RSRP1: variants seen among roughly 807,000 people sequenced by gnomAD.
The protein encoded by RSRP1 is arginine and serine rich protein 1.
Under a neutral mutation model 33.0 loss-of-function variants are expected in RSRP1, and 37 were observed. The ratio of observed to expected loss-of-function variants is 1.12; its 90% CI spans 0.86 to 1.48. The LOEUF (loss-of-function observed/expected upper bound fraction) is 1.48, where lower values mean the gene tolerates loss of function less well. Ranked by LOEUF, RSRP1 falls within the 40% of genes most tolerant of loss-of-function variation. The probability of loss-of-function intolerance (pLI) is 0.00; values close to 1 mark genes in which losing one functional copy is unlikely to be tolerated. For missense variants in RSRP1, 402 were observed against 385.3 expected, an observed-to-expected ratio of 1.04 and a Z score of -0.36; for synonymous variants, 167 against 158.7, an observed-to-expected ratio of 1.05 and a Z score of -0.40.
chr1:25,281,261 T>C lies in RSRP1; in HGVS notation c.-66-34232A>G. On this transcript the variant is annotated intron_variant, in intron 1 of 1. Transcript: ENST00000561867. ...CCAGGTTAGATTTTCTTTCTCCAAG[T>C]TGTGGAGCTTTCATAAACTTTTCCT... 1.5e-5 allele frequency among the ~76,000 whole-genome samples: 2 copies of C among 129,144 alleles called. 1 individual carries two copies. The highest frequency in any genetic ancestry group is 3.6e-5 in the Non-Finnish European group (2 of 55,628). 84.7% of individuals were successfully genotyped at this position (129,144 alleles called of 152,430 possible).
At chr1:25,319,685 C>T (rs1644592343) in intron 1 of RSRP1, among the ~76,000 whole-genome samples, 1 of 132,152 alleles carries the variant, frequency 7.6e-6, no homozygotes, top group East Asian at 2.0e-4. Context: ...ACCAAATGGA[C>T]TCCCAGAAGA....
At chr1:25,272,810 G>C (rs1571558267) in intron 1 of RSRP1, 1 of 1,239,840 alleles carries the variant, frequency 8.1e-7, no homozygotes, top group Non-Finnish European at 1.2e-6. Context: ...CAAGGAAAAA[G>C]ATTCCCCCAT....
Position 25,274,330 on chromosome 1 carries a change from T to G in RSRP1, c.-66-27301A>C, listed in dbSNP as rs1345990093. Among the ~76,000 whole-genome samples, 30 of 132,492 alleles carry G rather than the reference T, an allele frequency of 2.3e-4. 5 individuals carry two copies. The highest frequency in any genetic ancestry group is 5.2e-4 in the Non-Finnish European group (29 of 55,832). 86.9% of individuals were successfully genotyped at this position (132,492 alleles called of 152,430 possible). A position where few individuals can be genotyped will look rare whatever the true frequency, so the allele number is the denominator to read the frequency against. On this transcript the variant is annotated intron_variant, in intron 1 of 1. Coordinates refer to the RSRP1 transcript ENST00000561867. ...GATTTAGTTTCCTTACACTTAACCA[T>G]TATGCATCATGGCCCCATTTTACAG...
At chr1:25,320,554 T>C (rs1571752204) in intron 1 of RSRP1, among the ~76,000 whole-genome samples, 2 of 131,734 alleles carry the variant, frequency 1.5e-5, no homozygotes, top group African/African-American at 5.2e-5. Flanking sequence ...GAAATACGAA[T>C]CTCACTAAGC....
At chr1:25,282,054 A>G (rs531984979) in intron 1 of RSRP1, among the ~76,000 whole-genome samples, 1 of 131,714 alleles carries the variant, frequency 7.6e-6, no homozygotes, top group South Asian at 2.3e-4. Context: ...ATGTTGATGA[A>G]CAGTCACTAT....
Position 25,307,041 on chromosome 1 carries a change from G to A in RSRP1, c.-67+30937C>T, listed in dbSNP as rs1401918032. ...CAAGCCAATTGAGACTGTGGTTCAGGTCGTGATGCAGAGCTTTGCTGTGGA... is the reference window on the plus strand; with the variant it reads ...CAAGCCAATTGAGACTGTGGTTCAGATCGTGATGCAGAGCTTTGCTGTGGA... On this transcript the variant is annotated intron_variant, in intron 1 of 1. Coordinates refer to the RSRP1 transcript ENST00000561867. 6 of 343,664 alleles carry A rather than the reference G, an allele frequency of 1.7e-5. 1 individual carries two copies. The highest frequency in any genetic ancestry group is 4.4e-5 in the African/African-American group (2 of 45,224). 21.3% of individuals were successfully genotyped at this position (343,664 alleles called of 1,614,324 possible). A position where few individuals can be genotyped will look rare whatever the true frequency, so the allele number is the denominator to read the frequency against.
In RSRP1 at chr1:25,246,596, C is replaced by T; in HGVS notation, c.368G>A (p.Gly123Glu). The T allele has an allele frequency of 1.9e-6, 3 of 1,614,172 alleles. No individual in the cohort carries two copies. The highest frequency in any genetic ancestry group is 2.5e-6 in the Non-Finnish European group (3 of 1,180,046). The change falls in exon 2 of 5, where the codon GGA becomes GAA. Residue 123 changes from glycine (G) to glutamate (E), a missense_variant. By Grantham distance (98) the Gly-to-Glu change is moderately conservative. Coordinates refer to ENST00000243189, the MANE Select transcript of RSRP1 (RefSeq NM_020317.5). ...GTACGCCCTTCCGCAGTACGACCTT[C>T]CCCGAGAGCGCGACCTGCTACGGGA... Reference protein sequence around the residue: ...SRSRSRSRSRGRSYCGRAYAI... With the variant: ...SRSRSRSRSRERSYCGRAYAI...
chr1:25,284,193 T>G (rs1367851674), intron 1 of RSRP1, among the ~76,000 whole-genome samples: 1 of 136,202 alleles, frequency 7.3e-6, no homozygotes, highest in Non-Finnish European at 1.7e-5. Context: ...GGCCCTCATA[T>G]GCAATAACAG....
At chr1:25,249,655 A>G (rs966291594), upstream of RSRP1, among the ~76,000 whole-genome samples, 15 of 152,172 alleles carry the variant, frequency 9.9e-5, no homozygotes, top group African/African-American at 3.6e-4. Context: ...CCTGGATATT[A>G]ACAGGATTTT....
At chr1:25,285,809 T>A (rs1641935472) in intron 1 of RSRP1, among the ~76,000 whole-genome samples, 1 of 135,070 alleles carries the variant, frequency 7.4e-6, no homozygotes, top group South Asian at 2.2e-4. Flanking sequence ...TGAATCCCTG[T>A]GCTGCCCAGA....
At chr1:25,313,811 T>C (rs950612759) in intron 1 of RSRP1, among the ~76,000 whole-genome samples, 1 of 132,340 alleles carries the variant, frequency 7.6e-6, no homozygotes, top group Non-Finnish European at 1.8e-5. Context: ...ATAATATGAG[T>C]TTCCTATGCC....
chr1:25,259,167 C>A (rs1640046624), intron 1 of RSRP1, among the ~76,000 whole-genome samples: 1 of 151,914 alleles, frequency 6.6e-6, no homozygotes, highest in Non-Finnish European at 1.5e-5. Context: ...CATCTTGGCT[C>A]ACTGCAACCT....
upstream of RSRP1, among the ~76,000 whole-genome samples, chr1:25,251,696 T>C (rs1016701476): frequency 3.9e-5 from 6 of 152,256 alleles, no homozygotes; most frequent in African/African-American, 1.4e-4. Flanking sequence ...TTAATTTTAA[T>C]GACAAAACTA....
intron 1 of RSRP1, among the ~76,000 whole-genome samples, chr1:25,322,417 G>A (rs1214837962): frequency 7.5e-6 from 1 of 132,884 alleles, no homozygotes; most frequent in Non-Finnish European, 1.8e-5. Context: ...TCACGCCTGT[G>A]ATCCCAGCAC....
intron 1 of RSRP1, among the ~76,000 whole-genome samples, chr1:25,280,437 C>G (rs1641381026): frequency 3.1e-5 from 4 of 127,760 alleles, no homozygotes; most frequent in Admixed American, 1.5e-4. Flanking sequence ...TCCTGAGTAG[C>G]TGGGATTACA....
chr1:25,290,339 C>T lies in RSRP1; in HGVS notation c.-66-43310G>A, dbSNP rs1642380603. ...AGGGAACAGTCACCCCGATCACCCTCAGTCAGATGAGTGTGTGTAGATCAA... is the reference window on the plus strand; with the variant it reads ...AGGGAACAGTCACCCCGATCACCCTTAGTCAGATGAGTGTGTGTAGATCAA... On this transcript the variant is annotated intron_variant, in intron 1 of 1. Transcript: ENST00000561867. Among the ~76,000 whole-genome samples the T allele has an allele frequency of 4.1e-5, 5 of 122,614 alleles. 2 individuals are homozygous for T. The South Asian group carries it at 1.3e-3, about 31-fold the overall frequency. The allele number at this position is 122,614 out of a possible 152,430, so 80.4% of individuals were successfully genotyped here.
At chr1:25,318,592 A>T (rs1455453879) in intron 1 of RSRP1, among the ~76,000 whole-genome samples, 4 of 131,614 alleles carry the variant, frequency 3.0e-5, no homozygotes, top group African/African-American at 1.0e-4. Context: ...TCTCAAAAAA[A>T]AAAGAAAGAA....
Position 25,245,174 on chromosome 1 carries a change from T to A in RSRP1, c.648A>T (p.Val216=). ...SAKETSRGIG[V]SSNGAKPELS... is the part of the protein sequence containing the mutation. ...CTTCAGGCTTTGCACCATTACTTGA[T>A]ACACCTATTCCACGGCTTGTTTCTT... Residue 216 remains valine, a synonymous_variant, in exon 3 of 5, where the codon GTA becomes GTT. Coordinates refer to ENST00000243189, the MANE Select transcript of RSRP1 (RefSeq NM_020317.5). 2 of 1,614,226 alleles carry A rather than the reference T, an allele frequency of 1.2e-6. No homozygotes were observed. The highest frequency in any genetic ancestry group is 1.7e-6 in the Non-Finnish European group (2 of 1,180,042).
At chr1:25,258,674 T>C (rs968071763) in intron 1 of RSRP1, among the ~76,000 whole-genome samples, 1 of 152,238 alleles carries the variant, frequency 6.6e-6, no homozygotes, top group African/African-American at 2.4e-5. Flanking sequence ...AGAATACTGC[T>C]TTATGTAATA....
Sources: allele counts gnomAD v4.1 joint callset (sites outside exome capture counted in the v4.1 genomes callset), GRCh38; gene constraint gnomAD v4.1.1; transcripts MANE v1.5; gene names NCBI Gene and HGNC (gene_info 2026-07-23, HGNC 2026-07-21).